The following STK39 variants were observed in gnomAD, a reference collection of about 807,000 sequenced individuals.
The protein encoded by STK39 is serine/threonine kinase 39.
Under a neutral mutation model 77.8 loss-of-function variants are expected in STK39, and 20 were observed. The ratio of observed to expected loss-of-function variants is 0.26; its 90% CI spans 0.18 to 0.37. STK39 has a LOEUF of 0.37. STK39 is among the 10% of genes least tolerant of loss of function. The pLI, the probability that STK39 is intolerant of heterozygous loss-of-function variation, is 1.00. For missense variants in STK39, 479 were observed against 656.5 expected (o/e 0.73, Z 2.95); for synonymous variants, 246 against 234.1 (o/e 1.05, Z -0.47).
In STK39 at chr2:168,065,376, T is replaced by C; in HGVS notation, c.1248A>G (p.Ala416=). The C allele has an allele frequency of 1.2e-6, 2 of 1,614,052 alleles. No homozygotes were observed. Among genetic ancestry groups the C allele is most frequent in the Non-Finnish European group, 1.7e-6 (2 of 1,179,920 alleles). ...RRVKEENPEI[A]VSASTIPEQI... is the part of the protein sequence containing the mutation. ...GTTCGGGGATGGTGCTGGCACTCAC[T>C]GCAATCTGTTACGAGAGCCACCGTT... is the stretch of plus-strand genomic sequence containing the variant. The change falls in exon 13 of 18, where the codon GCA becomes GCG. Residue 416 remains alanine (A), a synonymous_variant. Transcript: ENST00000355999.
chr2:168,145,997 A>G (rs1688128075), intron 5 of STK39, among the ~76,000 whole-genome samples: 1 of 152,196 alleles, frequency 6.6e-6, no homozygotes, highest in Admixed American at 6.5e-5. Flanking sequence ...TATTTTAGAT[A>G]TACTCCTTAC....
In STK39 at chr2:167,984,972, T is replaced by C. The variant is rs1421433722; in HGVS notation, c.1499-20246A>G. Among the ~76,000 whole-genome samples, 7 of 152,188 alleles carry C rather than the reference T, an allele frequency of 4.6e-5. No homozygotes were observed. The South Asian group carries it at 1.4e-3, about 32-fold the overall frequency. ...ATGTAAAAAAAACTAATGAAGTACA[T>C]TGCCAGGATTGAGACAAATTAAAGT... On this transcript the variant is annotated intron_variant, in intron 16 of 17. Transcript: ENST00000355999.
In STK39 at chr2:168,167,442, G is replaced by T. The variant is rs1171284534; in HGVS notation, c.322-35C>A. 3 of 1,589,816 alleles carry T rather than the reference G, an allele frequency of 1.9e-6. No individual in the cohort carries two copies. The South Asian group carries it at 3.3e-5, about 18-fold the overall frequency. On this transcript the variant is annotated intron_variant, in intron 2 of 17. Coordinates refer to ENST00000355999, the MANE Select transcript of STK39 (RefSeq NM_013233.3). ...GAGCAAAACATGACATAGTACCATGGGGTGAAAATTGGCAAGCAAAACACA... is the reference window on the plus strand; with the variant it reads ...GAGCAAAACATGACATAGTACCATGTGGTGAAAATTGGCAAGCAAAACACA...
At chr2:168,047,606 C>T (rs547179363) in intron 14 of STK39, among the ~76,000 whole-genome samples, 1 of 152,252 alleles carries the variant, frequency 6.6e-6, no homozygotes, top group East Asian at 1.9e-4. Context: ...GGTGGGCATG[C>T]TGGTAAATTC....
chr2:167,955,454 C>T lies in STK39; in HGVS notation c.*42G>A, dbSNP rs199990551. On this transcript the variant is annotated 3_prime_UTR_variant, in exon 18 of 18. Coordinates refer to ENST00000355999, the MANE Select transcript of STK39 (RefSeq NM_013233.3). ...GGAGGGTTGAAGGGAGTAGGGGTGG[C>T]GGTGGGGCATGACAGATCAGGGTGA... 41 of 1,591,214 alleles carry T rather than the reference C, an allele frequency of 2.6e-5. No homozygotes were observed. The highest frequency in any genetic ancestry group is 4.5e-5 in the East Asian group (2 of 44,510).
intron 1 of STK39, among the ~76,000 whole-genome samples, chr2:168,220,107 A>G (rs1368971944): frequency 6.6e-6 from 1 of 152,132 alleles, no homozygotes; most frequent in African/African-American, 2.4e-5. Flanking sequence ...ATAAATAGAG[A>G]TAAAGGTCTC....
chr2:168,086,666 T>G (rs1686375145), intron 10 of STK39, among the ~76,000 whole-genome samples: 1 of 152,210 alleles, frequency 6.6e-6, no homozygotes, highest in Non-Finnish European at 1.5e-5. Context: ...GAAAGACACA[T>G]TTATAGCAAC....
At chr2:167,964,560 C>T in intron 17 of STK39, 102 bp downstream of exon 17, 1 of 1,121,472 alleles carries the variant, frequency 8.9e-7, no homozygotes, top group African/African-American at 1.6e-5. Context: ...AAGAAAACAA[C>T]AACAGCAAAA....
At chr2:167,957,132 G>A (rs1265166887) in intron 17 of STK39, among the ~76,000 whole-genome samples, 1 of 152,074 alleles carries the variant, frequency 6.6e-6, no homozygotes, top group Non-Finnish European at 1.5e-5. Flanking sequence ...TATAATGTTT[G>A]TACCTTGAAT....
At chr2:168,015,984 G>A (rs1684393134) in intron 15 of STK39, among the ~76,000 whole-genome samples, 1 of 152,150 alleles carries the variant, frequency 6.6e-6, no homozygotes, top group South Asian at 2.1e-4. Flanking sequence ...CTGGATCGCA[G>A]TGGCACAATC....
intron 17 of STK39, among the ~76,000 whole-genome samples, chr2:167,956,588 T>C (rs1448086057): frequency 1.3e-5 from 2 of 150,516 alleles, no homozygotes; most frequent in African/African-American, 4.9e-5. Context: ...AGGAAGCCAT[T>C]TCCCTTCAAA....
At chr2:168,119,073 T>A (rs1687338989) in intron 10 of STK39, among the ~76,000 whole-genome samples, 1 of 152,100 alleles carries the variant, frequency 6.6e-6, no homozygotes, top group Admixed American at 6.5e-5. Flanking sequence ...ACCCTTGCCC[T>A]CCTCCCTGTG....
intron 14 of STK39, among the ~76,000 whole-genome samples, chr2:168,054,837 A>C (rs1206671418): frequency 6.6e-6 from 1 of 152,114 alleles, no homozygotes; most frequent in Non-Finnish European, 1.5e-5. Context: ...GGGAACAAGC[A>C]CACCAAAGAT....
chr2:168,082,976 T>G (rs1283164493), intron 10 of STK39, among the ~76,000 whole-genome samples: 22 of 152,188 alleles, frequency 1.4e-4, no homozygotes, highest in Admixed American at 1.4e-3. Context: ...CCTAACATGA[T>G]GCCTGCCATA....
intron 17 of STK39, among the ~76,000 whole-genome samples, chr2:167,956,667 GACACACACACAC>G (rs762455680): frequency 2.1e-5 from 1 of 47,918 alleles, no homozygotes. Flanking sequence ...CTTGCTTTTA[GACACACACACAC>G]ACACACACAC....
At chr2:168,083,465 AC>A (rs927613715) in intron 10 of STK39, among the ~76,000 whole-genome samples, 7 of 152,196 alleles carry the variant, frequency 4.6e-5, no homozygotes, top group Admixed American at 1.3e-4. Flanking sequence ...GATGAATAAA[AC>A]AAAATCTTAC....
intron 14 of STK39, among the ~76,000 whole-genome samples, chr2:168,031,395 G>T (rs1684829944): frequency 6.6e-6 from 1 of 152,162 alleles, no homozygotes; most frequent in African/African-American, 2.4e-5. Context: ...CCCCACTGCT[G>T]TTCTGCCCAC....
At chr2:168,235,324 G>A (rs1247970454) in intron 1 of STK39, among the ~76,000 whole-genome samples, 2 of 151,968 alleles carry the variant, frequency 1.3e-5, no homozygotes, top group Non-Finnish European at 2.9e-5. Flanking sequence ...AGGCGTCCCT[G>A]AGCCACCACG....
At chr2:168,013,367 C>T (rs139031113) in intron 15 of STK39, among the ~76,000 whole-genome samples, 1 of 152,176 alleles carries the variant, frequency 6.6e-6, no homozygotes, top group Non-Finnish European at 1.5e-5. Context: ...GTGAATACAG[C>T]TGGAATTACT....
Sources: gnomAD v4.1 joint callset for allele counts (sites outside exome capture counted in the v4.1 genomes callset) on GRCh38, gnomAD v4.1.1 for gene constraint, MANE v1.5 for transcripts, NCBI Gene and HGNC (gene_info 2026-07-23, HGNC 2026-07-21) for gene names.